Variants in EMP2 observed in about 807,000 individuals in gnomAD.
EMP2 encodes epithelial membrane protein 2.
Under a neutral mutation model 13.7 loss-of-function variants are expected in EMP2, and 19 were observed. That is an observed-to-expected ratio of 1.38 (90% confidence interval 0.97 to 2.03). The LOEUF (loss-of-function observed/expected upper bound fraction) is 2.03. Among genes scored for constraint, EMP2 ranks in the 30% most tolerant of loss-of-function variants. EMP2 has a pLI of 0.00. For synonymous variants in EMP2, 97 were observed against 84.7 expected, an observed-to-expected ratio of 1.15 and a Z score of -0.80; for missense variants, 253 against 220.7, an observed-to-expected ratio of 1.15 and a Z score of -0.93.
intron 1 of EMP2, among the ~76,000 whole-genome samples, chr16:10,547,882 A>C (rs939631951): frequency 3.3e-5 from 5 of 152,032 alleles, no homozygotes; most frequent in African/African-American, 1.2e-4. Context: ...ACAATAAAAG[A>C]AAATTAGCTG....
chr16:10,550,626 C>G (rs951588418), intron 1 of EMP2, among the ~76,000 whole-genome samples: 1 of 152,244 alleles, frequency 6.6e-6, no homozygotes, highest in South Asian at 2.1e-4. Flanking sequence ...ACTTTGATCA[C>G]TGGGTTGTGT....
At chr16:10,551,439 C>T (rs182041759) in intron 1 of EMP2, among the ~76,000 whole-genome samples, 204 of 152,340 alleles carry the variant, frequency 1.3e-3, no homozygotes, top group African/African-American at 4.6e-3. Flanking sequence ...CAGAGTCTTG[C>T]TCCGTTGCCC....
At position 10,532,022 on chromosome 16, in the gene EMP2, A is replaced by T. The variant is rs960489718; in HGVS notation, c.*883T>A. On this transcript the variant is annotated 3_prime_UTR_variant, in exon 5 of 5. Transcript: ENST00000359543. ...GGTTTTGGCCTGCTGTGGGGGTTGC[A>T]TTCACCTCCCCATCTCCACATGACG... is the stretch of plus-strand genomic sequence containing the variant. The T allele has an allele frequency of 1.3e-5, 2 of 154,726 alleles. No individual in the cohort carries two copies. The highest frequency in any genetic ancestry group is 2.9e-5 in the Non-Finnish European group (2 of 68,252). The allele number at this position is 154,726 out of a possible 1,614,324, so 9.6% of individuals were successfully genotyped here.
rs939031283 is a variant in EMP2 at position 10,531,041 on chromosome 16, G to A, written c.*1864C>T. ...GGGCTGGAGTGCAGTGGTGAATCTC[G>A]GCTCACTGCGACCTCCGCCTCCCAG... is the stretch of plus-strand genomic sequence containing the variant. On this transcript the variant is annotated 3_prime_UTR_variant, in exon 5 of 5. Transcript: ENST00000359543. 6.6e-6 allele frequency: 1 copy of A among 152,100 alleles called. No individual in the cohort carries two copies. Among genetic ancestry groups the A allele is most frequent in the African/African-American group, 2.4e-5 (1 of 41,374 alleles). 9.4% of individuals were successfully genotyped at this position (152,100 alleles called of 1,614,324 possible). A position where few individuals can be genotyped will look rare whatever the true frequency, so the allele number is the denominator to read the frequency against.
intron 4 of EMP2, among the ~76,000 whole-genome samples, chr16:10,536,997 G>A (rs1399748970): frequency 2.6e-5 from 4 of 152,096 alleles, no homozygotes; most frequent in South Asian, 2.1e-4. Flanking sequence ...TCATCCTGAG[G>A]GCATGGCAGG....
intron 1 of EMP2, among the ~76,000 whole-genome samples, chr16:10,570,224 CTTT>C (rs544574300): frequency 2.3e-5 from 3 of 131,732 alleles, no homozygotes; most frequent in East Asian, 2.2e-4. Flanking sequence ...AAAATGGTGG[CTTT>C]TTTTTTTTTT....
rs562959860 is a variant in EMP2, at chr16:10,530,386, T to A, written c.*2519A>T. 1 of 152,488 alleles carries A rather than the reference T, an allele frequency of 6.6e-6. No homozygotes were observed. The highest frequency in any genetic ancestry group is 2.4e-5 in the African/African-American group (1 of 41,404). The allele number at this position is 152,488 out of a possible 1,614,324, so 9.4% of individuals were successfully genotyped here. On this transcript the variant is annotated 3_prime_UTR_variant, in exon 5 of 5. Coordinates refer to ENST00000359543, the MANE Select transcript of EMP2 (RefSeq NM_001424.6). ...ATATCCATGGTGGCCCTAAAACTAC[T>A]CAAACCAGATGTCTCTTCAGCTCCA...
chr16:10,540,536 A>AAATAAATAAATAAATAAAT (rs1245045990), intron 3 of EMP2, among the ~76,000 whole-genome samples: 1 of 151,826 alleles, frequency 6.6e-6, no homozygotes, highest in African/African-American at 2.4e-5. Context: ...ACAAATAAAT[A>AAATAAATAAATAAATAAAT]AATAGATTTC....
intron 1 of EMP2, among the ~76,000 whole-genome samples, chr16:10,579,402 T>C (rs554940745): frequency 5.3e-5 from 8 of 152,308 alleles, no homozygotes; most frequent in Non-Finnish European, 8.8e-5. Context: ...ATAATCATCA[T>C]TTTAACCGAT....
At chr16:10,536,503 C>T (rs995225435) in intron 4 of EMP2, among the ~76,000 whole-genome samples, 7 of 152,206 alleles carry the variant, frequency 4.6e-5, no homozygotes, top group South Asian at 4.1e-4. Context: ...CCCCTGCACA[C>T]GCTCTCTTTC....
At chr16:10,543,912 G>C (rs2050720115) in intron 2 of EMP2, among the ~76,000 whole-genome samples, 1 of 151,738 alleles carries the variant, frequency 6.6e-6, no homozygotes, top group Non-Finnish European at 1.5e-5. Flanking sequence ...CAGGCTGGAG[G>C]GCAGTGGCAC....
At position 10,575,237 on chromosome 16, in the gene EMP2, C is replaced by CTTTTTTTTTTTTTTTTTTTTT. The variant is rs761837614; in HGVS notation, c.-61+5291_-61+5311dup. ...TGGCCTTGGTCCTGGAGCTTGCATTCTTTTTTTTTTTTTTTTTTTTTTTTT... is the reference window on the plus strand; with the variant it reads ...TGGCCTTGGTCCTGGAGCTTGCATTCTTTTTTTTTTTTTTTTTTTTTTTTTTTTTTTTTTTTTTTTTTTTTT... On this transcript the variant is annotated intron_variant, in intron 1 of 4. Transcript: ENST00000359543. Among the ~76,000 whole-genome samples, 26 of 52,490 alleles carry CTTTTTTTTTTTTTTTTTTTTT rather than the reference C, an allele frequency of 5.0e-4. 5 individuals carry two copies. The highest frequency in any genetic ancestry group is 1.4e-3 in the South Asian group (2 of 1,394). 34.4% of individuals were successfully genotyped at this position (52,490 alleles called of 152,430 possible). A position where few individuals can be genotyped will look rare whatever the true frequency, so the allele number is the denominator to read the frequency against.
chr16:10,566,641 T>A (rs916786086), intron 1 of EMP2, among the ~76,000 whole-genome samples: 3 of 152,204 alleles, frequency 2.0e-5, no homozygotes, highest in African/African-American at 7.2e-5. Flanking sequence ...TTCCACTGAT[T>A]CCAGTTCTGT....
chr16:10,533,882 G>A (rs2050627656), intron 4 of EMP2, among the ~76,000 whole-genome samples: 1 of 152,060 alleles, frequency 6.6e-6, no homozygotes, highest in Non-Finnish European at 1.5e-5. Flanking sequence ...GTGAGGCCAA[G>A]GTAGGTGGGT....
At position 10,538,094 on chromosome 16, in the gene EMP2, G is replaced by C; in HGVS notation, c.170-20C>G. 6.2e-7 allele frequency: 1 copy of C among 1,611,540 alleles called. No individual in the cohort carries two copies. Among genetic ancestry groups the C allele is most frequent in the Non-Finnish European group, 8.5e-7 (1 of 1,179,034 alleles). On this transcript the variant is annotated intron_variant, in intron 3 of 4. Coordinates refer to ENST00000359543, the MANE Select transcript of EMP2 (RefSeq NM_001424.6). ...AGTACTCTGCGGGAAAAGGGCAGGG[G>C]CGCAGGACTGAGGACCTTGGCCAGC...
intron 1 of EMP2, among the ~76,000 whole-genome samples, chr16:10,550,205 C>T (rs2050776169): frequency 6.6e-6 from 1 of 152,162 alleles, no homozygotes; most frequent in East Asian, 1.9e-4. Flanking sequence ...CTTACATAAC[C>T]ACACTATGAT....
chr16:10,543,431 C>T, intron 3 of EMP2, 139 bp downstream of exon 3: 1 of 920,894 alleles, frequency 1.1e-6, no homozygotes, highest in Non-Finnish European at 1.7e-6. Context: ...CCAGCACACA[C>T]TGAGCAAACG....
intron 1 of EMP2, among the ~76,000 whole-genome samples, chr16:10,579,715 C>CACACACACAA (rs1172293493): frequency 3.2e-5 from 2 of 62,020 alleles, no homozygotes; most frequent in African/African-American, 1.1e-4. Flanking sequence ...GGTGCACACA[C>CACACACACAA]ACACACACAC....
chr16:10,545,110 G>T (rs1349509421), intron 2 of EMP2: 1 of 152,174 alleles, frequency 6.6e-6, no homozygotes, highest in Non-Finnish European at 1.5e-5. Flanking sequence ...TTCTTAGTAT[G>T]TGCCATGATA....
Sources: allele counts gnomAD v4.1 joint callset (sites outside exome capture counted in the v4.1 genomes callset), GRCh38; gene constraint gnomAD v4.1.1; transcripts MANE v1.5; gene names NCBI Gene and HGNC (gene_info 2026-07-23, HGNC 2026-07-21).